The following RPS6KC1 variants were observed in gnomAD, a reference collection of about 807,000 sequenced individuals.
RPS6KC1 encodes ribosomal protein S6 kinase C1, also known as inactive ribosomal protein S6 kinase delta-1.
Under a neutral mutation model 103.8 loss-of-function variants are expected in RPS6KC1, and 54 were observed. The observed-to-expected ratio is 0.52, with a 90% CI of 0.42 to 0.65. The LOEUF (loss-of-function observed/expected upper bound fraction) is 0.65. Ranked by LOEUF, RPS6KC1 falls within the 30% of genes least tolerant of loss-of-function variation. The pLI is 0.00. For synonymous variants in RPS6KC1, 439 were observed against 438.7 expected, an observed-to-expected ratio of 1.00 and a Z score of -0.01; for missense variants, 1,151 against 1,253.8, an observed-to-expected ratio of 0.92 and a Z score of 1.24.
At chr1:213,261,991 T>C (rs1215193746) in intron 13 of RPS6KC1, among the ~76,000 whole-genome samples, 1 of 152,192 alleles carries the variant, frequency 6.6e-6, no homozygotes, top group Admixed American at 6.5e-5. Context: ...TTTAAACATA[T>C]TGTCTGAAAC....
At chr1:213,345,612 T>C in the RPS6KC1 span, among the ~76,000 whole-genome samples, 2 of 152,246 alleles carry the variant, frequency 1.3e-5, no homozygotes, top group South Asian at 4.1e-4. Flanking sequence ...AAGTCTATTT[T>C]GGTTTGCCTT....
chr1:213,310,862 C>T, the RPS6KC1 span, among the ~76,000 whole-genome samples: 1 of 152,326 alleles, frequency 6.6e-6, no homozygotes, highest in East Asian at 1.9e-4. Flanking sequence ...TTCTGGCCCT[C>T]CTCTGCACTA....
chr1:213,284,281 C>T, the RPS6KC1 span, among the ~76,000 whole-genome samples: 147,407 of 152,328 alleles, frequency 0.97, 71,532 homozygotes, highest in East Asian at 1. Flanking sequence ...CTTTGGGAGC[C>T]TGAGGCCAGT....
intron 3 of RPS6KC1, among the ~76,000 whole-genome samples, chr1:213,086,711 C>T (rs950240507): frequency 3.3e-5 from 5 of 152,156 alleles, no homozygotes; most frequent in Admixed American, 6.5e-5. Context: ...TTGCAACTTA[C>T]ATCTAAGCTT....
chr1:213,199,071 A>G lies in RPS6KC1; in HGVS notation c.1044+22579A>G, dbSNP rs559561146. 2.6e-5 allele frequency among the ~76,000 whole-genome samples: 4 copies of G among 152,344 alleles called. No homozygotes were observed. The South Asian group carries it at 8.3e-4, about 32-fold the overall frequency. On this transcript the variant is annotated intron_variant, in intron 8 of 14. Coordinates refer to ENST00000366960, the MANE Select transcript of RPS6KC1 (RefSeq NM_012424.6). ...GCTAAATTCTACAGATGTACAAAGA[A>G]GAGCTGGTATCATTCCCACTGAAAC...
chr1:213,122,667 A>C lies in RPS6KC1; in HGVS notation c.472+5257A>C, dbSNP rs371723503. On this transcript the variant is annotated intron_variant, in intron 5 of 14. Coordinates refer to ENST00000366960, the MANE Select transcript of RPS6KC1 (RefSeq NM_012424.6). ...GTGCAAATGTCCACTAGGTGGCACC[A>C]TAAGAACTCTAAATCTTGTTACTGG... Among the ~76,000 whole-genome samples the C allele has an allele frequency of 2.3e-4, 35 of 152,318 alleles. 1 individual carries two copies. Among genetic ancestry groups the C allele is most frequent in the African/African-American group, 7.0e-4 (29 of 41,586 alleles).
At chr1:213,248,188 A>T (rs1483588399) in intron 12 of RPS6KC1, among the ~76,000 whole-genome samples, 3 of 152,158 alleles carry the variant, frequency 2.0e-5, no homozygotes, top group African/African-American at 7.2e-5. Flanking sequence ...TGACATAACC[A>T]GGAGATACTA....
At chr1:213,540,138 G>T in the RPS6KC1 span, among the ~76,000 whole-genome samples, 1 of 152,032 alleles carries the variant, frequency 6.6e-6, no homozygotes. Context: ...GTGAGATGGG[G>T]TTCTTGCTTT....
At chr1:213,506,400 G>T in the RPS6KC1 span, among the ~76,000 whole-genome samples, 1 of 152,220 alleles carries the variant, frequency 6.6e-6, no homozygotes, top group East Asian at 1.9e-4. Flanking sequence ...ATAGATTGGA[G>T]ATGCCATGAT....
At chr1:213,641,828 A>AT in the RPS6KC1 span, among the ~76,000 whole-genome samples, 1 of 44,114 alleles carries the variant, frequency 2.3e-5, no homozygotes, top group Non-Finnish European at 4.5e-5. Context: ...CACCCCCTGC[A>AT]AAAATAAATA....
At chr1:213,527,818 T>G in the RPS6KC1 span, among the ~76,000 whole-genome samples, 213 of 152,272 alleles carry the variant, frequency 1.4e-3, 1 homozygote, top group South Asian at 0.015. Flanking sequence ...AGCCTACTAT[T>G]GACTAGAAAC....
chr1:213,552,134 G>T, the RPS6KC1 span, among the ~76,000 whole-genome samples: 1 of 152,250 alleles, frequency 6.6e-6, no homozygotes, highest in African/African-American at 2.4e-5. Flanking sequence ...TCCAAGTTTT[G>T]TCAATTATGA....
At chr1:213,267,572 G>C (rs1326498786) in intron 14 of RPS6KC1, among the ~76,000 whole-genome samples, 2 of 151,988 alleles carry the variant, frequency 1.3e-5, no homozygotes, top group Non-Finnish European at 2.9e-5. Flanking sequence ...AATTGTCTCT[G>C]AGTGTACCCA....
the RPS6KC1 span, among the ~76,000 whole-genome samples, chr1:213,855,565 C>T: frequency 2.0e-5 from 3 of 152,334 alleles, no homozygotes; most frequent in African/African-American, 7.2e-5. Flanking sequence ...CCTTGTCTCT[C>T]TTCTCCAGGG....
the RPS6KC1 span, among the ~76,000 whole-genome samples, chr1:213,459,798 T>C: frequency 1.3e-5 from 2 of 152,166 alleles, no homozygotes; most frequent in Non-Finnish European, 2.9e-5. Context: ...TCTTTGTTCT[T>C]ATTGGTTTCA....
chr1:213,194,800 C>T (rs2092879421), intron 8 of RPS6KC1, among the ~76,000 whole-genome samples: 1 of 152,146 alleles, frequency 6.6e-6, no homozygotes, highest in Non-Finnish European at 1.5e-5. Context: ...CTACATGTAC[C>T]CCCTGTCCCC....
At chr1:213,328,541 TCA>T in the RPS6KC1 span, among the ~76,000 whole-genome samples, 258 of 128,836 alleles carry the variant, frequency 2.0e-3, 2 homozygotes, top group Non-Finnish European at 2.7e-3. Context: ...TATATATATA[TCA>T]CACACACACG....
At chr1:213,771,044 T>C in the RPS6KC1 span, among the ~76,000 whole-genome samples, 1 of 152,198 alleles carries the variant, frequency 6.6e-6, no homozygotes, top group Admixed American at 6.5e-5. Context: ...CTCTCTTTTG[T>C]TCCTTCCTGT....
intron 5 of RPS6KC1, among the ~76,000 whole-genome samples, chr1:213,129,277 A>G (rs917802018): frequency 6.6e-6 from 1 of 152,164 alleles, no homozygotes; most frequent in Non-Finnish European, 1.5e-5. Context: ...TTTGGCAACC[A>G]AACTAGATAA....
Sources: gnomAD v4.1 joint callset for allele counts (sites outside exome capture counted in the v4.1 genomes callset) on GRCh38, gnomAD v4.1.1 for gene constraint, MANE v1.5 for transcripts, NCBI Gene and HGNC (gene_info 2026-07-23, HGNC 2026-07-21) for gene names.